Variants in SLCO6A1 observed in about 807,000 individuals in gnomAD.
SLCO6A1 encodes cancer/testis antigen 48.
A neutral mutation model predicts 72.7 loss-of-function variants in SLCO6A1; 65 were observed. The observed-to-expected ratio is 0.89, with a 90% CI of 0.73 to 1.10. The LOEUF (loss-of-function observed/expected upper bound fraction) is 1.10, where lower values mean the gene tolerates loss of function less well. SLCO6A1 is among the 50% of genes least tolerant of loss of function. The pLI, the probability that SLCO6A1 is intolerant of heterozygous loss-of-function variation, is 0.00. For missense variants in SLCO6A1, 874 were observed against 872.6 expected, an observed-to-expected ratio of 1.00 and a Z score of -0.02; for synonymous variants, 314 against 298.2, an observed-to-expected ratio of 1.05 and a Z score of -0.55.
In SLCO6A1 at chr5:102,498,470, G is replaced by T. The variant is rs772278100; in HGVS notation, c.358+17C>A. The T allele has an allele frequency of 5.0e-6, 8 of 1,600,730 alleles. No homozygotes were observed. The highest frequency in any genetic ancestry group is 6.8e-6 in the Non-Finnish European group (8 of 1,172,646). ...CCAGCTGCCCTCGCCACAACAAACC[G>T]CCTCCTTCAGGCTCACCTTGACATA... On this transcript the variant is annotated intron_variant, in intron 1 of 13. Transcript: ENST00000506729.
intron 6 of SLCO6A1, among the ~76,000 whole-genome samples, chr5:102,439,159 C>T (rs1484694634): frequency 6.6e-6 from 1 of 151,596 alleles, no homozygotes; most frequent in Non-Finnish European, 1.5e-5. Flanking sequence ...TTTTATTCAA[C>T]TAAAACACAA....
At chr5:102,475,605 A>G (rs1025822172) in intron 4 of SLCO6A1, 92 bp downstream of exon 4, 34 of 752,302 alleles carry the variant, frequency 4.5e-5, no homozygotes, top group Non-Finnish European at 6.4e-5. Flanking sequence ...GGTTATTACA[A>G]ATTAAATATA....
chr5:102,398,297 C>T (rs2112544866), intron 10 of SLCO6A1, among the ~76,000 whole-genome samples: 1 of 152,150 alleles, frequency 6.6e-6, no homozygotes, highest in African/African-American at 2.4e-5. Flanking sequence ...CCTGCCTCAG[C>T]CTTCTGAGTA....
intron 12 of SLCO6A1, among the ~76,000 whole-genome samples, chr5:102,387,315 T>C (rs1746469974): frequency 6.6e-6 from 1 of 152,194 alleles, no homozygotes; most frequent in South Asian, 2.1e-4. Flanking sequence ...TATTTGACTA[T>C]AATTATTTAT....
chr5:102,381,626 T>G (rs1219873316), intron 12 of SLCO6A1, among the ~76,000 whole-genome samples: 2 of 151,832 alleles, frequency 1.3e-5, no homozygotes, highest in Non-Finnish European at 3.0e-5. Flanking sequence ...GGTAGTTCTA[T>G]TTCTAATTTT....
intron 6 of SLCO6A1, among the ~76,000 whole-genome samples, chr5:102,442,074 T>G (rs1749863984): frequency 1.3e-5 from 2 of 152,196 alleles, no homozygotes; most frequent in Admixed American, 1.3e-4. Flanking sequence ...TGATTTTATA[T>G]AAAAATATTG....
In SLCO6A1 at chr5:102,475,715, T is replaced by A. The variant is rs201444868; in HGVS notation, c.881A>T (p.Asn294Ile). 1 of 1,600,626 alleles carries A rather than the reference T, an allele frequency of 6.2e-7. No individual in the cohort carries two copies. Among genetic ancestry groups the A allele is most frequent in the African/African-American group, 1.3e-5 (1 of 74,648 alleles). Residue 294 changes from asparagine to isoleucine, a missense_variant, in exon 4 of 14, where the codon AAT becomes ATT. Asn to Ile is a moderately radical substitution (Grantham distance 149). Coordinates refer to ENST00000506729, the MANE Select transcript of SLCO6A1 (RefSeq NM_173488.5). Reference protein sequence around the residue: ...LGAPLVKVPENTTSATNTTVN... With the variant: ...LGAPLVKVPEITTSATNTTVN... ...GCCTTACTTTGTTGCAGAAGTAGTA[T>A]TCTCAGGGACTTTAACTAGTGGTGC...
chr5:102,472,010 G>A lies in SLCO6A1; in HGVS notation c.899+3687C>T, dbSNP rs188880589. Among the ~76,000 whole-genome samples, 26 of 152,128 alleles carry A rather than the reference G, an allele frequency of 1.7e-4. 1 individual carries two copies. In the East Asian group the frequency reaches 4.3e-3, roughly 25 times the overall value. On this transcript the variant is annotated intron_variant, in intron 4 of 13. Transcript: ENST00000506729. ...TGGGTACAAGCCTTCAGGAAGAACC[G>A]AAAGAATAAATGCCGTAATCTTAAG... is the stretch of plus-strand genomic sequence containing the variant.
rs1228505127 is a variant in SLCO6A1 at position 102,480,369 on chromosome 5, T to G, written c.424A>C (p.Ile142Leu). The G allele has an allele frequency of 6.2e-7, 1 of 1,613,452 alleles. No homozygotes were observed. The stretch of plus-strand genomic sequence containing the variant: ...CTCTTTTCCAATGCCAACTTCTCAA[T>G]GGTTTTCAGTTGATATTCCTTCTGA... ...DFQKEYQLKT[I>L]EKLALEKSYD... The change falls in exon 2 of 14, where the codon ATT becomes CTT. Residue 142 changes from isoleucine to leucine, a missense_variant. Physicochemically the swap from Ile to Leu is conservative, Grantham distance 5. Transcript: ENST00000506729.
intron 10 of SLCO6A1, among the ~76,000 whole-genome samples, chr5:102,391,557 G>T (rs907269297): frequency 6.6e-6 from 1 of 151,766 alleles, no homozygotes; most frequent in Non-Finnish European, 1.5e-5. Context: ...TGTATTCAAA[G>T]GTTCCCTCCC....
intron 9 of SLCO6A1, among the ~76,000 whole-genome samples, chr5:102,408,598 G>A (rs1269567426): frequency 6.6e-6 from 1 of 152,120 alleles, no homozygotes; most frequent in African/African-American, 2.4e-5. Flanking sequence ...TGGGGGGAAT[G>A]AGGAGTAGCG....
At chr5:102,457,179 A>G (rs889281650) in intron 6 of SLCO6A1, among the ~76,000 whole-genome samples, 3 of 152,140 alleles carry the variant, frequency 2.0e-5, no homozygotes, top group Middle Eastern at 3.2e-3. Flanking sequence ...TACCATTCAG[A>G]ACATAGGCAT....
chr5:102,480,563 T>A, intron 1 of SLCO6A1, 129 bp from the exon 2 acceptor site: 1 of 911,634 alleles, frequency 1.1e-6, no homozygotes, highest in African/African-American at 1.7e-5. Context: ...TTAAAAGCTA[T>A]AAGCAAGTAA....
chr5:102,439,676 T>C (rs1188064859), intron 6 of SLCO6A1, among the ~76,000 whole-genome samples: 3 of 152,184 alleles, frequency 2.0e-5, no homozygotes, highest in South Asian at 2.1e-4. Flanking sequence ...CCCCTGTGCA[T>C]GTACTTTAAG....
At chr5:102,382,699 C>T (rs528061604) in intron 12 of SLCO6A1, among the ~76,000 whole-genome samples, 38 of 151,350 alleles carry the variant, frequency 2.5e-4, no homozygotes, top group Non-Finnish European at 4.3e-4. Context: ...AGATCTTTTA[C>T]CTCCTCAGTT....
Position 102,498,445 on chromosome 5 carries a change from C to T in SLCO6A1, c.358+42G>A, listed in dbSNP as rs747601679. 4 of 1,569,112 alleles carry T rather than the reference C, an allele frequency of 2.5e-6. No individual in the cohort carries two copies. The South Asian group carries it at 4.6e-5, about 18-fold the overall frequency. On this transcript the variant is annotated intron_variant, in intron 1 of 13. Coordinates refer to ENST00000506729, the MANE Select transcript of SLCO6A1 (RefSeq NM_173488.5). ...CTCTCCCGCCTCCGCCAGTGCGGCC[C>T]CAGCTGCCCTCGCCACAACAAACCG...
In SLCO6A1 at chr5:102,458,484, T is replaced by A; in HGVS notation, c.1029A>T (p.Thr343=). ...SCFPNNMPGS[T]RIKARKRKQL... is the part of the protein sequence containing the mutation. ...GTTTACGTTTCCTAGCTTTTATCCG[T>A]GTTGAACCTATATATAAACAAGTAA... The change falls in exon 6 of 14, where the codon ACA becomes ACT. Residue 343 remains threonine, a synonymous_variant. Coordinates refer to ENST00000506729, the MANE Select transcript of SLCO6A1 (RefSeq NM_173488.5). 2 of 1,609,884 alleles carry A rather than the reference T, an allele frequency of 1.2e-6. No individual in the cohort carries two copies. Among genetic ancestry groups the A allele is most frequent in the Non-Finnish European group, 1.7e-6 (2 of 1,178,140 alleles).
intron 9 of SLCO6A1, among the ~76,000 whole-genome samples, chr5:102,403,687 T>G (rs2112561149): frequency 6.6e-6 from 1 of 152,238 alleles, no homozygotes; most frequent in South Asian, 2.1e-4. Flanking sequence ...TTAAACTATT[T>G]GAATTATTTA....
chr5:102,423,004 A>C (rs1434589910), intron 7 of SLCO6A1, among the ~76,000 whole-genome samples: 1 of 152,184 alleles, frequency 6.6e-6, no homozygotes, highest in African/African-American at 2.4e-5. Context: ...TTAAACCCAG[A>C]ATTTCATATC....
Sources: allele counts gnomAD v4.1 joint callset (sites outside exome capture counted in the v4.1 genomes callset), GRCh38; gene constraint gnomAD v4.1.1; transcripts MANE v1.5; gene names NCBI Gene and HGNC (gene_info 2026-07-23, HGNC 2026-07-21).